The following NHSL1 variants were observed in gnomAD, a reference collection of about 807,000 sequenced individuals.
The protein encoded by NHSL1 is NHS like 1.
NHSL1 carries 48 observed loss-of-function variants against 95.0 expected under a neutral mutation model. The observed-to-expected ratio is 0.51, with a 90% CI of 0.40 to 0.64. The LOEUF is 0.64. NHSL1 is among the 30% of genes least tolerant of loss of function. The pLI, the probability that NHSL1 is intolerant of heterozygous loss-of-function variation, is 0.00. For synonymous variants in NHSL1, 783 were observed against 833.9 expected, an observed-to-expected ratio of 0.94 and a Z score of 1.05; for missense variants, 1,971 against 2,077.7, an observed-to-expected ratio of 0.95 and a Z score of 1.00.
At chr6:138,465,001 C>A (rs1246923126) in intron 3 of NHSL1, among the ~76,000 whole-genome samples, 15 of 150,692 alleles carry the variant, frequency 1.0e-4, no homozygotes, top group Non-Finnish European at 4.4e-5. Flanking sequence ...GCATGAGCCA[C>A]CTTGCCTGGC....
intron 3 of NHSL1, among the ~76,000 whole-genome samples, chr6:138,463,717 C>A (rs549420584): frequency 6.6e-6 from 1 of 151,966 alleles, no homozygotes; most frequent in Non-Finnish European, 1.5e-5. Flanking sequence ...TGACAGGCCC[C>A]GGTGTGTGAT....
chr6:138,643,709 A>G (rs1232613275), intron 1 of NHSL1, among the ~76,000 whole-genome samples: 1 of 152,218 alleles, frequency 6.6e-6, no homozygotes, highest in African/African-American at 2.4e-5. Flanking sequence ...TACACTTTCA[A>G]TAAAAGTTAA....
intron 1 of NHSL1, among the ~76,000 whole-genome samples, chr6:138,659,190 C>T (rs1157832092): frequency 6.6e-6 from 1 of 151,736 alleles, no homozygotes; most frequent in Non-Finnish European, 1.5e-5. Flanking sequence ...GCTGGGATTA[C>T]AGGCACCCAC....
intron 1 of NHSL1, among the ~76,000 whole-genome samples, chr6:138,594,568 T>C (rs6908050): frequency 0.012 from 1,775 of 152,262 alleles, 24 homozygotes; most frequent in African/African-American, 0.041. Flanking sequence ...ACTCCACAGA[T>C]GTATGGGCCC....
intron 1 of NHSL1, among the ~76,000 whole-genome samples, chr6:138,634,793 G>C (rs1333033489): frequency 6.6e-6 from 1 of 151,260 alleles, no homozygotes; most frequent in African/African-American, 2.4e-5. Flanking sequence ...CCATATGTTA[G>C]GTCACAGAAC....
chr6:138,537,254 G>A (rs6930810), intron 1 of NHSL1, among the ~76,000 whole-genome samples: 80,814 of 152,090 alleles, frequency 0.53, 22,939 homozygotes, highest in African/African-American at 0.74. Flanking sequence ...CTGTTAGAGC[G>A]GTATCAGGAT....
intron 1 of NHSL1, among the ~76,000 whole-genome samples, chr6:138,654,365 A>G (rs1354960403): frequency 6.6e-6 from 1 of 152,198 alleles, no homozygotes; most frequent in Non-Finnish European, 1.5e-5. Flanking sequence ...GCCTTTTTGG[A>G]GAGTGATTCG....
intron 2 of NHSL1, among the ~76,000 whole-genome samples, chr6:138,487,387 T>C (rs1243154045): frequency 6.6e-6 from 1 of 152,228 alleles, no homozygotes; most frequent in Non-Finnish European, 1.5e-5. Flanking sequence ...ATACATCTTA[T>C]CTCTGGCTAG....
chr6:138,548,401 C>A (rs991644381), upstream of NHSL1, among the ~76,000 whole-genome samples: 1 of 152,216 alleles, frequency 6.6e-6, no homozygotes, highest in African/African-American at 2.4e-5. Context: ...GTCTGTCCAA[C>A]CTGTGGCCCA....
At chr6:138,681,375 G>A (rs1785509518) in intron 1 of NHSL1, among the ~76,000 whole-genome samples, 1 of 152,200 alleles carries the variant, frequency 6.6e-6, no homozygotes, top group Non-Finnish European at 1.5e-5. Context: ...TTTTAACAAT[G>A]TGAATTACTG....
At chr6:138,650,526 T>C (rs1785077298) in intron 1 of NHSL1, 1 of 615,772 alleles carries the variant, frequency 1.6e-6, no homozygotes, top group Non-Finnish European at 3.1e-6. Context: ...GGCCAGTAGG[T>C]TACAGCCTCA....
chr6:138,470,359 G>A lies in NHSL1; in HGVS notation c.339+2947C>T, dbSNP rs1056402735. On this transcript the variant is annotated intron_variant, in intron 3 of 7. Transcript: ENST00000343505. ...GGCTGGAGTGCAGTGGTGCAAACACGTCTCACTGTAGCCTTGACTTCCCGG... is the reference window on the plus strand; with the variant it reads ...GGCTGGAGTGCAGTGGTGCAAACACATCTCACTGTAGCCTTGACTTCCCGG... Among the ~76,000 whole-genome samples, 6 of 152,042 alleles carry A rather than the reference G, an allele frequency of 3.9e-5. No individual in the cohort carries two copies. The East Asian group carries it at 5.8e-4, about 15-fold the overall frequency.
chr6:138,544,983 CTTTTTTTTTTTTTTTTTTTTT>C (rs35979187), intron 1 of NHSL1, among the ~76,000 whole-genome samples: 2 of 83,394 alleles, frequency 2.4e-5, no homozygotes, highest in African/African-American at 8.2e-5. Context: ...TCTTTCTTTT[CTTTTTTTTTTTTTTTTTTTTT>C]TTTGAGACCG....
At chr6:138,464,377 C>T (rs1778208822) in intron 3 of NHSL1, 5 of 457,578 alleles carry the variant, frequency 1.1e-5, no homozygotes, top group Admixed American at 6.3e-5. Context: ...TCGCTGCCTT[C>T]GCCAGGCACT....
At chr6:138,507,101 G>C (rs1781000485) in intron 1 of NHSL1, among the ~76,000 whole-genome samples, 1 of 152,156 alleles carries the variant, frequency 6.6e-6, no homozygotes, top group Non-Finnish European at 1.5e-5. Context: ...CTACTGAAGA[G>C]CTGCCATGTA....
intron 2 of NHSL1, among the ~76,000 whole-genome samples, chr6:138,495,053 G>A (rs1459938447): frequency 6.6e-6 from 1 of 152,066 alleles, no homozygotes. Context: ...GACTAGCCTG[G>A]GCAAAGTGGT....
intron 3 of NHSL1, among the ~76,000 whole-genome samples, chr6:138,468,408 C>T (rs1778529745): frequency 6.6e-6 from 1 of 152,212 alleles, no homozygotes; most frequent in Non-Finnish European, 1.5e-5. Flanking sequence ...CATCTGTGGC[C>T]TGTTAGGAAC....
intron 3 of NHSL1, among the ~76,000 whole-genome samples, chr6:138,460,322 A>G (rs1287778671): frequency 6.6e-6 from 1 of 152,140 alleles, no homozygotes; most frequent in African/African-American, 2.4e-5. Flanking sequence ...CAGTTTCAAA[A>G]TTACCTATGT....
chr6:138,687,137 C>T (rs2114798848), intron 1 of NHSL1, among the ~76,000 whole-genome samples: 1 of 152,232 alleles, frequency 6.6e-6, no homozygotes, highest in African/African-American at 2.4e-5. Flanking sequence ...GCCATACAAC[C>T]TATTCTTATG....
Sources: gnomAD v4.1 joint callset for allele counts (sites outside exome capture counted in the v4.1 genomes callset) on GRCh38, gnomAD v4.1.1 for gene constraint, MANE v1.5 for transcripts, NCBI Gene and HGNC (gene_info 2026-07-23, HGNC 2026-07-21) for gene names.